PDZD2: variants seen among roughly 807,000 people sequenced by gnomAD.
The protein encoded by PDZD2 is PDZ domain-containing protein 2.
Under a neutral mutation model 220.7 loss-of-function variants are expected in PDZD2, and 90 were observed. The observed-to-expected ratio is 0.41, with a 90% CI of 0.34 to 0.49. The LOEUF is 0.49. Among genes scored for constraint, PDZD2 ranks in the 20% least tolerant of loss-of-function variants. The pLI is 0.28. For synonymous variants in PDZD2, 1,375 were observed against 1,450.5 expected, an observed-to-expected ratio of 0.95 and a Z score of 1.18; for missense variants, 3,174 against 3,608.5, an observed-to-expected ratio of 0.88 and a Z score of 3.08.
At position 31,639,243 on chromosome 5, in the gene PDZD2, C is replaced by T. The variant is rs1744840042; in HGVS notation, c.-555C>T. Among the ~76,000 whole-genome samples, 1 of 151,286 alleles carries T rather than the reference C, an allele frequency of 6.6e-6. No individual in the cohort carries two copies. ...GCGGCGGCTGCAGGCAGCCGAGGAGCCGCAGGCCGAACCCAAGGCACCGGG... is the reference window on the plus strand; with the variant it reads ...GCGGCGGCTGCAGGCAGCCGAGGAGTCGCAGGCCGAACCCAAGGCACCGGG... On this transcript the variant is annotated 5_prime_UTR_variant, in exon 1 of 25. Transcript: ENST00000438447. The surrounding 1 kb of genome is among the most constrained non-coding windows in gnomAD (Gnocchi z 4.1).
chr5:31,671,336 G>A (rs780544398), intron 1 of PDZD2, among the ~76,000 whole-genome samples: 3 of 152,228 alleles, frequency 2.0e-5, no homozygotes, highest in Admixed American at 1.3e-4. Flanking sequence ...TGTTATCAAC[G>A]TCTTCCTTAT....
rs570714263 is a variant in PDZD2, at chr5:31,839,061, G to A, written c.476+39337G>A. Among the ~76,000 whole-genome samples, 12 of 152,286 alleles carry A rather than the reference G, an allele frequency of 7.9e-5. 1 individual carries two copies. The highest frequency in any genetic ancestry group is 6.2e-4 in the South Asian group (3 of 4,826). ...AAAGAGATTTGGGTGCCTGTTCTGCGTACAGGTTGCCCTCTCCTGCCATCC... is the reference window on the plus strand; with the variant it reads ...AAAGAGATTTGGGTGCCTGTTCTGCATACAGGTTGCCCTCTCCTGCCATCC... On this transcript the variant is annotated intron_variant, in intron 2 of 24. Coordinates refer to ENST00000438447, the MANE Select transcript of PDZD2 (RefSeq NM_178140.4).
chr5:32,088,256 C>G lies in PDZD2; in HGVS notation c.4808C>G (p.Ser1603Cys). The change falls in exon 20 of 25, where the codon TCC becomes TGC. Residue 1603 changes from serine to cysteine, a missense_variant. Around this residue, in one of 4 missense-constraint regions of PDZD2, gnomAD observed 1,861 missense variants for 2,001.0 expected, o/e 0.93. Transcript: ENST00000438447. This position sits in a 1 kb window ranked among gnomAD's most constrained non-coding sequence, Gnocchi z 4.6. Reference protein sequence around the residue: ...ESEEEQIEICSTRGCPNPPSS... With the variant: ...ESEEEQIEICCTRGCPNPPSS... ...GAAGAGGAACAGATTGAGATTTGTT[C>G]CACACGTGGCTGCCCCAATCCACCC... is the stretch of plus-strand genomic sequence containing the variant. 6.2e-7 allele frequency: 1 copy of G among 1,614,134 alleles called. No homozygotes were observed.
At chr5:31,775,105 C>T (rs965438030) in intron 1 of PDZD2, among the ~76,000 whole-genome samples, 1 of 152,172 alleles carries the variant, frequency 6.6e-6, no homozygotes, top group Non-Finnish European at 1.5e-5. Context: ...TTCTAATTAG[C>T]CTTTCTTCCT....
intron 2 of PDZD2, among the ~76,000 whole-genome samples, chr5:31,882,804 G>T (rs141350817): frequency 6.6e-6 from 1 of 151,924 alleles, no homozygotes; most frequent in East Asian, 1.9e-4. Context: ...CGAGGTGGGC[G>T]GATCACTTGA....
chr5:31,668,056 T>C (rs1051999897), intron 1 of PDZD2, among the ~76,000 whole-genome samples: 1 of 151,672 alleles, frequency 6.6e-6, no homozygotes, highest in African/African-American at 2.4e-5. Context: ...AAGACGGGGG[T>C]TTCACCATAT....
intron 2 of PDZD2, among the ~76,000 whole-genome samples, chr5:31,907,091 C>T (rs1452201923): frequency 2.0e-5 from 3 of 152,170 alleles, no homozygotes; most frequent in Non-Finnish European, 4.4e-5. Context: ...GTTTTGTTGA[C>T]AGTTTGGTTA....
chr5:31,811,066 C>T (rs1755083092), intron 2 of PDZD2, among the ~76,000 whole-genome samples: 2 of 152,312 alleles, frequency 1.3e-5, no homozygotes, highest in African/African-American at 4.8e-5. Flanking sequence ...TGGCTCAATG[C>T]AACCTCCGCC....
chr5:31,904,413 T>C (rs1444613735), intron 2 of PDZD2, among the ~76,000 whole-genome samples: 3 of 152,250 alleles, frequency 2.0e-5, no homozygotes, highest in Admixed American at 6.5e-5. Context: ...AACCAGTATT[T>C]ATAAACATTC....
At chr5:32,067,428 A>C (rs59838720) in intron 14 of PDZD2, among the ~76,000 whole-genome samples, 1 of 152,118 alleles carries the variant, frequency 6.6e-6, no homozygotes, top group African/African-American at 2.4e-5. Context: ...ATTCTCTACT[A>C]TGTGGAGGGG....
intron 1 of PDZD2, among the ~76,000 whole-genome samples, chr5:31,797,736 G>A (rs934539175): frequency 2.0e-5 from 3 of 152,264 alleles, no homozygotes; most frequent in African/African-American, 4.8e-5. Context: ...CTTTGGAAAC[G>A]CAAAGCACGC....
At chr5:32,102,701 A>T (rs1191514463) in intron 24 of PDZD2, among the ~76,000 whole-genome samples, 1 of 152,178 alleles carries the variant, frequency 6.6e-6, no homozygotes, top group Non-Finnish European at 1.5e-5. Context: ...CCCGAAAAAC[A>T]GGACACCCCA....
At chr5:31,926,063 G>C (rs527424688) in intron 2 of PDZD2, among the ~76,000 whole-genome samples, 36 of 151,976 alleles carry the variant, frequency 2.4e-4, no homozygotes, top group Middle Eastern at 3.4e-3. Context: ...TCGACAGAAA[G>C]TAAAAAAAAT....
intron 1 of PDZD2, among the ~76,000 whole-genome samples, chr5:31,654,407 A>G (rs1745466065): frequency 4.0e-5 from 6 of 151,668 alleles, no homozygotes; most frequent in Admixed American, 3.9e-4. Context: ...AGGGCCCAGG[A>G]CTCAATGGTT....
At chr5:31,877,045 T>G (rs1739366026) in intron 2 of PDZD2, among the ~76,000 whole-genome samples, 1 of 152,224 alleles carries the variant, frequency 6.6e-6, no homozygotes, top group Non-Finnish European at 1.5e-5. Flanking sequence ...GATGATTCAA[T>G]GAGTTACTGC....
chr5:31,664,874 G>A (rs917144292), intron 1 of PDZD2: 1 of 152,376 alleles, frequency 6.6e-6, no homozygotes. Context: ...TGGAAGGGAG[G>A]AGATGGTGGC....
At position 31,691,386 on chromosome 5, in the gene PDZD2, C is replaced by T. The variant is rs543624196; in HGVS notation, c.-361+51949C>T. 9.5e-5 allele frequency among the ~76,000 whole-genome samples: 13 copies of T among 136,740 alleles called. 1 individual carries two copies. Among genetic ancestry groups the T allele is most frequent in the Admixed American group, 1.4e-4 (2 of 14,746 alleles). The allele number at this position is 136,740 out of a possible 152,430, so 89.7% of individuals were successfully genotyped here. A position where few individuals can be genotyped will look rare whatever the true frequency, so the allele number is the denominator to read the frequency against. Reference sequence around the variant, plus strand: ...CAGTAGCAAGATTTATTGCACAGAGCGAAAGAACAAAGCTCCCGTAGAGTG... The same window carrying T: ...CAGTAGCAAGATTTATTGCACAGAGTGAAAGAACAAAGCTCCCGTAGAGTG... On this transcript the variant is annotated intron_variant, in intron 1 of 24. Transcript: ENST00000438447.
chr5:31,792,582 G>A (rs1454987312), intron 1 of PDZD2, among the ~76,000 whole-genome samples: 1 of 152,008 alleles, frequency 6.6e-6, no homozygotes, highest in East Asian at 1.9e-4. Context: ...ACCATGCCCA[G>A]CTAATTTTGT....
chr5:31,805,583 G>A (rs1754665867), intron 2 of PDZD2, among the ~76,000 whole-genome samples: 1 of 152,144 alleles, frequency 6.6e-6, no homozygotes, highest in Non-Finnish European at 1.5e-5. Flanking sequence ...GTCCACACTA[G>A]CATATACAGC....
Sources: allele counts gnomAD v4.1 joint callset (sites outside exome capture counted in the v4.1 genomes callset), GRCh38; gene constraint gnomAD v4.1.1; regional missense constraint gnomAD v4.1.1; non-coding constraint Gnocchi (gnomAD v3.1); transcripts MANE v1.5; gene names NCBI Gene and HGNC (gene_info 2026-07-23, HGNC 2026-07-21).